Variants in CSMD2 observed in about 807,000 individuals in gnomAD.
The protein encoded by CSMD2 is CUB and sushi domain-containing protein 2.
A neutral mutation model predicts 398.5 loss-of-function variants in CSMD2; 130 were observed. The observed-to-expected ratio is 0.33, with a 90% CI of 0.28 to 0.38. The LOEUF is 0.38. Ranked by LOEUF, CSMD2 falls within the 10% of genes least tolerant of loss-of-function variation. The pLI is 1.00. For missense variants in CSMD2, 3,829 were observed against 4,764.9 expected, an observed-to-expected ratio of 0.80 and a Z score of 5.78; for synonymous variants, 1,828 against 1,908.5, an observed-to-expected ratio of 0.96 and a Z score of 1.10.
At chr1:33,646,145 G>T (rs760177039) in intron 29 of CSMD2, among the ~76,000 whole-genome samples, 36 of 152,326 alleles carry the variant, frequency 2.4e-4, no homozygotes, top group Non-Finnish European at 4.6e-4. Context: ...AGTCTATGAC[G>T]AGGTGTCAGA....
chr1:34,067,875 G>A (rs1207539931), intron 2 of CSMD2, among the ~76,000 whole-genome samples: 1 of 152,176 alleles, frequency 6.6e-6, no homozygotes, highest in Non-Finnish European at 1.5e-5. Flanking sequence ...CTTACAATAT[G>A]TGATGCAAGA....
At chr1:33,679,798 T>C (rs1157214385) in intron 25 of CSMD2, among the ~76,000 whole-genome samples, 1 of 152,256 alleles carries the variant, frequency 6.6e-6, no homozygotes, top group Admixed American at 6.5e-5. Flanking sequence ...TTTTGCTTTA[T>C]GTTTTCTCAT....
intron 5 of CSMD2, among the ~76,000 whole-genome samples, chr1:33,892,046 AAAT>A (rs58301570): frequency 1.1e-3 from 160 of 147,278 alleles, no homozygotes; most frequent in East Asian, 2.4e-3. Context: ...ACTTAAAGTA[AAAT>A]AATAATAATA....
intron 29 of CSMD2, among the ~76,000 whole-genome samples, chr1:33,639,188 A>C (rs938470776): frequency 3.9e-5 from 6 of 152,344 alleles, no homozygotes; most frequent in Middle Eastern, 3.4e-3. Context: ...AATGGGATCC[A>C]TGGACTAGCA....
chr1:33,596,927 A>G (rs1015924790), intron 44 of CSMD2, among the ~76,000 whole-genome samples: 4 of 152,216 alleles, frequency 2.6e-5, no homozygotes, highest in Non-Finnish European at 5.9e-5. Context: ...TCTCTTGGCC[A>G]GATCTTTCTT....
At chr1:33,792,358 A>C in intron 11 of CSMD2, 65 bp downstream of exon 11, 7 of 1,172,160 alleles carry the variant, frequency 6.0e-6, no homozygotes, top group Non-Finnish European at 9.0e-6. Flanking sequence ...AGGACTCCAC[A>C]AACCCCACCC....
intron 2 of CSMD2, among the ~76,000 whole-genome samples, chr1:34,059,033 C>T (rs1301534110): frequency 1.3e-5 from 2 of 152,178 alleles, no homozygotes; most frequent in African/African-American, 2.4e-5. Flanking sequence ...GACTGGGCCA[C>T]TTGCTATGTC....
At chr1:33,711,907 T>C (rs1042937988) in intron 21 of CSMD2, among the ~76,000 whole-genome samples, 1 of 152,132 alleles carries the variant, frequency 6.6e-6, no homozygotes, top group African/African-American at 2.4e-5. Flanking sequence ...GCCTTTGTCC[T>C]GGGCACCAGG....
At chr1:33,814,883 T>G (rs1657278293) in intron 9 of CSMD2, among the ~76,000 whole-genome samples, 1 of 152,062 alleles carries the variant, frequency 6.6e-6, no homozygotes, top group South Asian at 2.1e-4. Flanking sequence ...GCTCCCACAT[T>G]TCATCCCATC....
At chr1:34,023,349 A>C (rs1440777291) in intron 3 of CSMD2, among the ~76,000 whole-genome samples, 3 of 152,208 alleles carry the variant, frequency 2.0e-5, no homozygotes, top group Non-Finnish European at 4.4e-5. Context: ...GAGGGGTGAT[A>C]AGGATTAGAA....
intron 9 of CSMD2, among the ~76,000 whole-genome samples, chr1:33,817,651 T>C (rs4592230): frequency 0.69 from 105,165 of 152,002 alleles, 37,875 homozygotes; most frequent in African/African-American, 0.91. Flanking sequence ...AAGCTGAATA[T>C]GTGTGCACGT....
rs923852264 is a variant in CSMD2 at position 33,934,860 on chromosome 1, C to T, written c.712+900G>A. Among the ~76,000 whole-genome samples the T allele has an allele frequency of 6.8e-5, 10 of 147,952 alleles. No individual in the cohort carries two copies. In the East Asian group the frequency reaches 9.8e-4, roughly 14 times the overall value. On this transcript the variant is annotated intron_variant, in intron 4 of 70. Transcript: ENST00000373381. ...AAAAAAAAAAAAAAAAAAAATTAGC[C>T]GGGCATGGTGGCACATGCCTGCGGT...
At position 33,963,272 on chromosome 1, in the gene CSMD2, T is replaced by C. The variant is rs115713680; in HGVS notation, c.518-27318A>G. Among the ~76,000 whole-genome samples the C allele has an allele frequency of 4.7e-3, 709 of 152,332 alleles. 7 individuals carry two copies. Among genetic ancestry groups the C allele is most frequent in the African/African-American group, 0.016 (670 of 41,574 alleles). On this transcript the variant is annotated intron_variant, in intron 3 of 70. Coordinates refer to ENST00000373381, the MANE Select transcript of CSMD2 (RefSeq NM_001281956.2). ...TCTGCACCTTGACAGCCCATTGGAA[T>C]CTCTGAGGAACTTTAAAATACAGAT...
intron 44 of CSMD2, among the ~76,000 whole-genome samples, chr1:33,593,832 T>C (rs1285323541): frequency 6.6e-6 from 1 of 152,208 alleles, no homozygotes; most frequent in Non-Finnish European, 1.5e-5. Context: ...TCTCTGCCTT[T>C]TATATTTGGA....
chr1:33,559,708 A>G lies in CSMD2; in HGVS notation c.8381-235T>C, dbSNP rs145014445. Among the ~76,000 whole-genome samples the G allele has an allele frequency of 2.8e-3, 418 of 151,970 alleles. 1 individual carries two copies. The highest frequency in any genetic ancestry group is 4.1e-3 in the Non-Finnish European group (277 of 67,922). On this transcript the variant is annotated intron_variant, in intron 53 of 70. Transcript: ENST00000373381. The surrounding 1 kb of genome is among the most constrained non-coding windows in gnomAD (Gnocchi z 4.0). Reference sequence around the variant, plus strand: ...GAGATCAATCATTCTATGACTTCCCATAGGGTGTTAGGACTGGACTGTGGT... The same window carrying G: ...GAGATCAATCATTCTATGACTTCCCGTAGGGTGTTAGGACTGGACTGTGGT...
chr1:33,786,670 C>T lies in CSMD2; in HGVS notation c.1663+1930G>A, dbSNP rs60984534. Among the ~76,000 whole-genome samples the T allele has an allele frequency of 9.5e-3, 1,448 of 152,304 alleles. 19 individuals are homozygous for T. Among genetic ancestry groups the T allele is most frequent in the African/African-American group, 0.032 (1,341 of 41,550 alleles). On this transcript the variant is annotated intron_variant, in intron 12 of 70. Transcript: ENST00000373381. ...TGTTTCACAGATGAAGAAACAGATCCTGAGAAAGGTTCCATGACCTGCCAT... is the reference window on the plus strand; with the variant it reads ...TGTTTCACAGATGAAGAAACAGATCTTGAGAAAGGTTCCATGACCTGCCAT...
intron 53 of CSMD2, among the ~76,000 whole-genome samples, chr1:33,560,268 C>A (rs985955357): frequency 6.6e-6 from 1 of 152,156 alleles, no homozygotes; most frequent in South Asian, 2.1e-4. Context: ...TCACATTAAG[C>A]TCCATTTTCC....
intron 14 of CSMD2, 109 bp downstream of exon 14, chr1:33,743,171 G>A: frequency 1.1e-6 from 1 of 896,876 alleles, no homozygotes; most frequent in African/African-American, 1.7e-5. Flanking sequence ...GCAATGCCCT[G>A]GGAACTGCCC....
intron 2 of CSMD2, among the ~76,000 whole-genome samples, chr1:34,065,108 G>C (rs1269588092): frequency 6.6e-6 from 1 of 152,072 alleles, no homozygotes; most frequent in Non-Finnish European, 1.5e-5. Context: ...TATCAAGGAG[G>C]CTTCCTGAAA....
Sources: allele counts gnomAD v4.1 joint callset (sites outside exome capture counted in the v4.1 genomes callset), GRCh38; gene constraint gnomAD v4.1.1; non-coding constraint Gnocchi (gnomAD v3.1); transcripts MANE v1.5; gene names NCBI Gene and HGNC (gene_info 2026-07-23, HGNC 2026-07-21).